Variants in TSPYL2 observed in about 807,000 individuals in gnomAD.
TSPYL2 encodes the protein TSPY like 2.
A neutral mutation model predicts 33.0 loss-of-function variants in TSPYL2; 9 were observed. The ratio of observed to expected loss-of-function variants is 0.27; its 90% CI spans 0.16 to 0.48. TSPYL2 has a LOEUF of 0.48. Ranked by LOEUF, TSPYL2 falls within the 20% of genes least tolerant of loss-of-function variation. TSPYL2 has a pLI of 0.99. For synonymous variants in TSPYL2, 330 were observed against 233.6 expected (o/e 1.41, Z -3.77); for missense variants, 636 against 586.2 (o/e 1.08, Z -0.88).
Position 53,086,284 on chromosome X carries a change from CAGT to C in TSPYL2, c.1893_1895del (p.Val632del). On this transcript the variant is annotated inframe_deletion, in exon 6 of 7. Transcript: ENST00000375442. The stretch of plus-strand genomic sequence containing the variant: ...GTGATAGAGATCATCTCAGACGAAT[CAGT>C]GGAAGAAGAGGGCATTGAGGAAGGT... 2.5e-6 allele frequency: 3 copies of C among 1,209,263 alleles called. No individual in the cohort carries two copies. The African/African-American group carries it at 5.3e-5, about 21-fold the overall frequency.
Position 53,086,319 on chromosome X carries a change from A to AGC in TSPYL2, c.1918+9_1918+10insGC, listed in dbSNP as rs1817459992. The AGC allele has an allele frequency of 1.8e-6, 2 of 1,102,964 alleles. No homozygotes were observed. Among genetic ancestry groups the AGC allele is most frequent in the African/African-American group, 2.8e-5 (1 of 35,630 alleles). The allele number at this position is 1,102,964 out of a possible 1,213,427, so 90.9% of individuals were successfully genotyped here. On this transcript the variant is annotated intron_variant, in intron 6 of 6. Coordinates refer to ENST00000375442, the MANE Select transcript of TSPYL2 (RefSeq NM_022117.4). ...AGAGGGCATTGAGGAAGGTGAGCTA[A>AGC]TCCCCCCCCACCCTTGTCTTCCCTC...
intron 1 of TSPYL2, 95 bp downstream of exon 1, chrX:53,083,400 G>A (rs1932676664): frequency 1.2e-6 from 1 of 857,764 alleles, no homozygotes; most frequent in African/African-American, 2.1e-5. Context: ...GTGGAGGAGA[G>A]CCAGAGGTGG....
chrX:53,083,964 T>G (rs1373690288), intron 1 of TSPYL2, among the ~76,000 whole-genome samples: 1 of 111,839 alleles, frequency 8.9e-6, no homozygotes, highest in Non-Finnish European at 1.9e-5. Flanking sequence ...GTTAGGAACA[T>G]GAGTCGAACA....
Position 53,085,847 on chromosome X carries a change from T to C in TSPYL2, c.1455T>C (p.Asn485=). Residue 485 remains asparagine (N), a synonymous_variant, in exon 6 of 7, where the codon AAT becomes AAC. Transcript: ENST00000375442. ...GCGACAGCGAGAATCCTGACCACAATGAGGTCCCCAACAACGAGACCACTG... is the reference window on the plus strand; with the variant it reads ...GCGACAGCGAGAATCCTGACCACAACGAGGTCCCCAACAACGAGACCACTG... The part of the protein sequence containing the change: ...NICDSENPDH[N]EVPNNETTDN... 8.3e-7 allele frequency: 1 copy of C among 1,210,934 alleles called. No individual in the cohort carries two copies. Among genetic ancestry groups the C allele is most frequent in the South Asian group, 1.8e-5 (1 of 56,900 alleles).
Position 53,085,791 on chromosome X carries a change from A to G in TSPYL2, c.1399A>G (p.Asn467Asp), listed in dbSNP as rs1932753092. Reference protein sequence around the residue: ...ETTDYFETTDNEITDINENIC... With the variant: ...ETTDYFETTDDEITDINENIC... ...CACCGACTACTTCGAGACCACTGAC[A>G]ATGAGATAACTGACATCAATGAGAA... Residue 467 changes from asparagine (N) to aspartate (D), a missense_variant, in exon 6 of 7, where the codon AAT becomes GAT. Asn to Asp is a conservative substitution (Grantham distance 23). Coordinates refer to ENST00000375442, the MANE Select transcript of TSPYL2 (RefSeq NM_022117.4). 1 of 1,211,878 alleles carries G rather than the reference A, an allele frequency of 8.3e-7. No homozygotes were observed. The highest frequency in any genetic ancestry group is 3.0e-5 in the East Asian group (1 of 33,877).
chrX:53,084,316 A>G (rs1039327212), intron 1 of TSPYL2, among the ~76,000 whole-genome samples: 3 of 112,258 alleles, frequency 2.7e-5, no homozygotes, highest in Non-Finnish European at 5.6e-5. Context: ...ACCCAGTGAC[A>G]TATACCACAT....
At chrX:53,085,393 T>G in intron 5 of TSPYL2, 72 bp downstream of exon 5, 1 of 948,380 alleles carries the variant, frequency 1.1e-6, no homozygotes, top group South Asian at 2.3e-5. Context: ...ACAGGATTTA[T>G]GGAGCCAAAA....
chrX:53,083,818 C>G (rs1401521698), intron 1 of TSPYL2, among the ~76,000 whole-genome samples: 2 of 111,270 alleles, frequency 1.8e-5, no homozygotes, highest in Non-Finnish European at 3.8e-5. Context: ...GACCCCAATC[C>G]TGGCTGGAGT....
At chrX:53,084,123 T>A (rs1556807751) in intron 1 of TSPYL2, among the ~76,000 whole-genome samples, 1 of 111,656 alleles carries the variant, frequency 9.0e-6, no homozygotes, top group East Asian at 2.8e-4. Flanking sequence ...GTCCTCAGCA[T>A]GTAGACACAT....
At chrX:53,083,368 A>C in intron 1 of TSPYL2, 63 bp downstream of exon 1, 1 of 1,000,033 alleles carries the variant, frequency 1.0e-6, no homozygotes, top group Non-Finnish European at 1.4e-6. Flanking sequence ...AAGGTGGGGG[A>C]GGGACAGAAA....
Position 53,086,228 on chromosome X carries a change from C to T in TSPYL2, c.1836C>T (p.Asp612=). ...AGTACTATGAGAAAGTTATTGAAGA[C>T]TTTGACAAGGATCAGGCTGACTACG... The part of the protein sequence containing the change: ...DIEYYEKVIE[D]FDKDQADYED... Residue 612 remains aspartate, a synonymous_variant, in exon 6 of 7, where the codon GAC becomes GAT. Coordinates refer to ENST00000375442, the MANE Select transcript of TSPYL2 (RefSeq NM_022117.4). The T allele has an allele frequency of 1.7e-6, 2 of 1,211,404 alleles. No homozygotes were observed. Among genetic ancestry groups the T allele is most frequent in the Non-Finnish European group, 2.2e-6 (2 of 895,378 alleles).
Position 53,086,042 on chromosome X carries a change from C to T in TSPYL2, c.1650C>T (p.Gly550=), listed in dbSNP as rs1556808564. Residue 550 remains glycine, a synonymous_variant, in exon 6 of 7, where the codon GGC becomes GGT. Coordinates refer to ENST00000375442, the MANE Select transcript of TSPYL2 (RefSeq NM_022117.4). ...GNNFFKGGFW[G]SHGNNQDSSD... ...ACTTCTTCAAAGGTGGCTTCTGGGG[C>T]AGCCATGGCAACAACCAGGACAGCA... The T allele has an allele frequency of 4.3e-6, 5 of 1,171,727 alleles. No homozygotes were observed. Among genetic ancestry groups the T allele is most frequent in the Non-Finnish European group, 5.7e-6 (5 of 875,334 alleles).
chrX:53,087,677 A>C, intron 6 of TSPYL2, 99 bp from the exon 7 acceptor site: 1 of 976,805 alleles, frequency 1.0e-6, no homozygotes, highest in Non-Finnish European at 1.4e-6. Context: ...AGGCCGCTAA[A>C]AACCCTGGCT....
intron 1 of TSPYL2, 121 bp downstream of exon 1, chrX:53,083,426 C>T (rs1457564832): frequency 1.6e-5 from 11 of 669,006 alleles, no homozygotes; most frequent in Non-Finnish European, 2.3e-5. Flanking sequence ...ATCCCCCTAT[C>T]GGAAGACGGA....
Position 53,085,695 on chromosome X carries a change from G to T in TSPYL2, c.1303G>T (p.Asp435Tyr). The T allele has an allele frequency of 1.7e-6, 2 of 1,211,876 alleles. No individual in the cohort carries two copies. The highest frequency in any genetic ancestry group is 2.2e-6 in the Non-Finnish European group (2 of 895,521). Reference protein sequence around the residue: ...EDAPDYYAVEDIFSEISDIDE... With the variant: ...EDAPDYYAVEYIFSEISDIDE... ...CGCCCCTGACTATTATGCAGTGGAA[G>T]ACATTTTCAGCGAGATCTCAGACAT... The change falls in exon 6 of 7, where the codon GAC becomes TAC. Residue 435 changes from aspartate (D) to tyrosine (Y), a missense_variant. Physicochemically the swap from Asp to Tyr is radical, Grantham distance 160. Transcript: ENST00000375442.
In TSPYL2 at chrX:53,083,907, TAAATG is replaced by T. The variant is rs782016518; in HGVS notation, c.807+605_807+609del. On this transcript the variant is annotated intron_variant, in intron 1 of 6. Transcript: ENST00000375442. ...TGTCTAGGTATAGAGAAAAAGGAGT[TAAATG>T]AAGGAAAGGGGAGAGTAGACACATA... 4.5e-5 allele frequency among the ~76,000 whole-genome samples: 5 copies of T among 111,468 alleles called. 1 individual carries two copies. Among genetic ancestry groups the T allele is most frequent in the African/African-American group, 1.3e-4 (4 of 30,594 alleles).
chrX:53,084,716 G>T lies in TSPYL2; in HGVS notation c.886-39G>T, dbSNP rs781945655. ...GGTGGGAAGGGCCGTGGTGTGTTGGGGGGGGGACAGATTCCACCATCACCC... is the reference window on the plus strand; with the variant it reads ...GGTGGGAAGGGCCGTGGTGTGTTGGTGGGGGGACAGATTCCACCATCACCC... On this transcript the variant is annotated intron_variant, in intron 2 of 6. Coordinates refer to ENST00000375442, the MANE Select transcript of TSPYL2 (RefSeq NM_022117.4). The T allele has an allele frequency of 4.6e-5, 54 of 1,183,013 alleles. No individual in the cohort carries two copies. In the South Asian group the frequency reaches 6.8e-4, roughly 15 times the overall value.
intron 1 of TSPYL2, 144 bp from the exon 2 acceptor site, chrX:53,084,401 C>T: frequency 2.0e-6 from 1 of 505,311 alleles, no homozygotes; most frequent in African/African-American, 2.3e-5. Context: ...GGGTTATGTC[C>T]CATGACTCAC....
chrX:53,086,465 A>T (rs1359880081), intron 6 of TSPYL2, 155 bp downstream of exon 6: 2 of 518,945 alleles, frequency 3.9e-6, no homozygotes, highest in African/African-American at 2.4e-5. Context: ...AGTCCAGTGA[A>T]CATTTAACTT....
Sources: gnomAD v4.1 joint callset for allele counts (sites outside exome capture counted in the v4.1 genomes callset) on GRCh38, gnomAD v4.1.1 for gene constraint, MANE v1.5 for transcripts, NCBI Gene and HGNC (gene_info 2026-07-23, HGNC 2026-07-21) for gene names.